Variants in SEMA6D observed in about 807,000 individuals in gnomAD.
SEMA6D encodes the protein semaphorin-6D.
In SEMA6D, 35 loss-of-function variants were observed where a neutral mutation model predicts 106.6. The observed-to-expected ratio is 0.33, with a 90% confidence interval of 0.25 to 0.44. The LOEUF (loss-of-function observed/expected upper bound fraction) is 0.44. Ranked by LOEUF, SEMA6D falls within the 20% of genes least tolerant of loss-of-function variation. SEMA6D has a pLI of 1.00. For missense variants in SEMA6D, 1,185 were observed against 1,345.9 expected (o/e 0.88, Z 1.87); for synonymous variants, 499 against 487.7 (o/e 1.02, Z -0.31).
intron 1 of SEMA6D, among the ~76,000 whole-genome samples, chr15:47,201,405 A>C (rs556350383): frequency 1.9e-4 from 29 of 152,198 alleles, no homozygotes; most frequent in Non-Finnish European, 4.0e-4. Flanking sequence ...AGAAATAGAA[A>C]TGTGGTAAAT....
At chr15:47,327,323 A>G (rs981709635) in intron 1 of SEMA6D, among the ~76,000 whole-genome samples, 2 of 152,224 alleles carry the variant, frequency 1.3e-5, no homozygotes, top group African/African-American at 4.8e-5. Context: ...ATTGATAAGC[A>G]TAATATAAAT....
At chr15:47,226,767 C>G (rs926448096) in intron 1 of SEMA6D, among the ~76,000 whole-genome samples, 1 of 152,074 alleles carries the variant, frequency 6.6e-6, no homozygotes, top group African/African-American at 2.4e-5. Flanking sequence ...ACAAGATAAG[C>G]ATGGTCTGGC....
intron 3 of SEMA6D, among the ~76,000 whole-genome samples, chr15:47,544,025 A>G (rs1440572883): frequency 6.6e-6 from 1 of 152,180 alleles, no homozygotes; most frequent in African/African-American, 2.4e-5. Context: ...TTCATCTCCA[A>G]TAAAATAATT....
At chr15:47,407,059 G>A (rs1353626237) in intron 1 of SEMA6D, among the ~76,000 whole-genome samples, 1 of 152,096 alleles carries the variant, frequency 6.6e-6, no homozygotes, top group African/African-American at 2.4e-5. Context: ...TGGAAATTAA[G>A]TGAAAATAGT....
At chr15:47,675,182 C>T (rs1461961812) in intron 4 of SEMA6D, among the ~76,000 whole-genome samples, 11 of 152,222 alleles carry the variant, frequency 7.2e-5, no homozygotes, top group Non-Finnish European at 1.0e-4. Context: ...TGATTTAACT[C>T]TCCAACTTTC....
In SEMA6D at chr15:47,357,765, A is replaced by G. The variant is rs188201882; in HGVS notation, c.-238-54628A>G. Among the ~76,000 whole-genome samples the G allele has an allele frequency of 5.3e-5, 8 of 152,266 alleles. No individual in the cohort carries two copies. The East Asian group carries it at 1.4e-3, about 26-fold the overall frequency. ...TTGGCAACACCCTCACAGACACACA[A>G]AGGATCAATACTTGCATCCTTCAAT... On this transcript the variant is annotated intron_variant, in intron 1 of 19. Coordinates refer to the SEMA6D transcript ENST00000558014.
At chr15:47,497,126 C>T (rs1053055121) in intron 3 of SEMA6D, among the ~76,000 whole-genome samples, 48 of 149,384 alleles carry the variant, frequency 3.2e-4, no homozygotes, top group African/African-American at 1.1e-3. Flanking sequence ...ATTCTTTTGT[C>T]ATCTCTTCCT....
At chr15:47,424,474 A>C (rs978584589) in intron 2 of SEMA6D, among the ~76,000 whole-genome samples, 1 of 152,176 alleles carries the variant, frequency 6.6e-6, no homozygotes, top group African/African-American at 2.4e-5. Context: ...CATAAGTGTC[A>C]GTCAAATTAG....
intron 3 of SEMA6D, among the ~76,000 whole-genome samples, chr15:47,574,301 TC>T (rs1432337892): frequency 6.6e-6 from 1 of 152,226 alleles, no homozygotes; most frequent in East Asian, 1.9e-4. Flanking sequence ...AGATTGATTG[TC>T]CTCATCCAGT....
At chr15:47,213,650 G>A (rs1272010977) in intron 1 of SEMA6D, among the ~76,000 whole-genome samples, 1 of 152,084 alleles carries the variant, frequency 6.6e-6, no homozygotes, top group Non-Finnish European at 1.5e-5. Flanking sequence ...GATTTTACTA[G>A]CCTTACTTAT....
At chr15:47,753,076 G>A (rs970261559) in intron 1 of SEMA6D, among the ~76,000 whole-genome samples, 1 of 152,088 alleles carries the variant, frequency 6.6e-6, no homozygotes, top group Non-Finnish European at 1.5e-5. Flanking sequence ...AACTGAGGAA[G>A]CTCCCATGTT....
intron 17 of SEMA6D, chr15:47,767,492 A>G (rs1483960197): frequency 6.4e-6 from 1 of 157,376 alleles, no homozygotes; most frequent in Non-Finnish European, 1.4e-5. Context: ...TAGTAAACAA[A>G]TACACATTTC....
chr15:47,598,912 A>G (rs988405662), intron 3 of SEMA6D, among the ~76,000 whole-genome samples: 5 of 152,088 alleles, frequency 3.3e-5, no homozygotes, highest in African/African-American at 1.2e-4. Context: ...GAGATGAGAT[A>G]GCGACTTAAA....
rs1288698928 is a variant in SEMA6D, at chr15:47,766,866, T to C, written c.1709-171T>C. ...AAAAGAGGCTTACTTTTTTTTTCCTTCACCATTTACAATTTTGTAGGAAAT... is the reference window on the plus strand; with the variant it reads ...AAAAGAGGCTTACTTTTTTTTTCCTCCACCATTTACAATTTTGTAGGAAAT... On this transcript the variant is annotated intron_variant, in intron 16 of 18. Transcript: ENST00000536845. Among the ~76,000 whole-genome samples, 8 of 152,286 alleles carry C rather than the reference T, an allele frequency of 5.3e-5. No individual in the cohort carries two copies. The East Asian group carries it at 1.5e-3, about 29-fold the overall frequency.
intron 3 of SEMA6D, among the ~76,000 whole-genome samples, chr15:47,549,842 T>C (rs767463204): frequency 3.3e-5 from 5 of 152,204 alleles, no homozygotes; most frequent in Non-Finnish European, 5.9e-5. Flanking sequence ...ATGGATCTTT[T>C]TTCACTACAG....
chr15:47,732,773 G>A (rs560384624), intron 1 of SEMA6D, among the ~76,000 whole-genome samples: 2 of 152,196 alleles, frequency 1.3e-5, no homozygotes, highest in East Asian at 3.9e-4. Flanking sequence ...AACAGAATTT[G>A]CATTTGATTA....
chr15:47,631,624 G>A (rs1309422544), intron 4 of SEMA6D, among the ~76,000 whole-genome samples: 2 of 151,792 alleles, frequency 1.3e-5, no homozygotes, highest in Non-Finnish European at 3.0e-5. Context: ...GGAAAAAAAG[G>A]CAATGTGAAA....
Position 47,534,959 on chromosome 15 carries a change from G to A in SEMA6D, c.-87+64414G>A, listed in dbSNP as rs537659813. Among the ~76,000 whole-genome samples the A allele has an allele frequency of 4.0e-5, 6 of 151,622 alleles. No individual in the cohort carries two copies. The East Asian group carries it at 1.2e-3, about 29-fold the overall frequency. On this transcript the variant is annotated intron_variant, in intron 3 of 19. Transcript: ENST00000558014. ...GTAGGTATTTGTAATATTAAGCTCA[G>A]GAAAACTAGAAATAGACATAATGTA...
intron 4 of SEMA6D, among the ~76,000 whole-genome samples, chr15:47,631,648 C>G (rs191831997): frequency 2.0e-5 from 3 of 151,830 alleles, no homozygotes; most frequent in South Asian, 2.1e-4. Context: ...AAGCAAGACA[C>G]TAAACTGCTG....
Sources: gnomAD v4.1 joint callset for allele counts (sites outside exome capture counted in the v4.1 genomes callset) on GRCh38, gnomAD v4.1.1 for gene constraint, MANE v1.5 for transcripts, NCBI Gene and HGNC (gene_info 2026-07-23, HGNC 2026-07-21) for gene names.